Variants in CLYBL observed in about 807,000 individuals in gnomAD.
CLYBL encodes citramalyl-CoA lyase, mitochondrial.
A neutral mutation model predicts 38.9 loss-of-function variants in CLYBL; 31 were observed. The observed-to-expected ratio is 0.80, with a 90% CI of 0.60 to 1.08. The LOEUF (loss-of-function observed/expected upper bound fraction) is 1.08, where lower values mean the gene tolerates loss of function less well. Ranked by LOEUF, CLYBL falls within the 50% of genes least tolerant of loss-of-function variation. The pLI is 0.00. For missense variants in CLYBL, 434 were observed against 411.6 expected (o/e 1.05, Z -0.47); for synonymous variants, 171 against 158.6 (o/e 1.08, Z -0.59).
chr13:99,844,549 C>T (rs1467912638), intron 2 of CLYBL, among the ~76,000 whole-genome samples: 1 of 152,232 alleles, frequency 6.6e-6, no homozygotes, highest in Non-Finnish European at 1.5e-5. Context: ...TAAGATCCCC[C>T]TGGCAGTGGT....
intron 2 of CLYBL, among the ~76,000 whole-genome samples, chr13:99,847,138 C>T (rs1230663448): frequency 6.6e-6 from 1 of 152,054 alleles, no homozygotes; most frequent in African/African-American, 2.4e-5. Context: ...ACAGGTGACA[C>T]GTCTGTTATC....
rs551630660 is a variant in CLYBL at position 99,672,810 on chromosome 13, A to AT, written c.62+66058dup. The stretch of plus-strand genomic sequence containing the variant: ...AACAGCAACAATAACATTTTACCTC[A>AT]TTTTTCTCCACTGTTCATTTTGTTT... On this transcript the variant is annotated intron_variant, in intron 1 of 8. Coordinates refer to ENST00000339105, the MANE Select transcript of CLYBL (RefSeq NM_206808.5). Among the ~76,000 whole-genome samples the AT allele has an allele frequency of 1.2e-3, 182 of 152,096 alleles. 2 individuals carry two copies. The highest frequency in any genetic ancestry group is 4.1e-3 in the African/African-American group (171 of 41,496).
intron 8 of CLYBL, 91 bp from the exon 9 acceptor site, chr13:99,892,351 GT>G (rs965447986): frequency 1.8e-4 from 27 of 152,628 alleles, no homozygotes; most frequent in African/African-American, 6.5e-4. Context: ...TAGTAAAGCT[GT>G]TTTGAAGAGG....
At chr13:99,659,698 C>A (rs2047381734) in intron 1 of CLYBL, among the ~76,000 whole-genome samples, 2 of 152,098 alleles carry the variant, frequency 1.3e-5, no homozygotes, top group Non-Finnish European at 2.9e-5. Context: ...TTGAAACTTA[C>A]ATATTGGCAT....
chr13:99,788,480 C>G (rs1430927609), intron 2 of CLYBL, among the ~76,000 whole-genome samples: 1 of 152,158 alleles, frequency 6.6e-6, no homozygotes, highest in African/African-American at 2.4e-5. Context: ...GTCTTTGGTT[C>G]TGTTTATATG....
At chr13:99,844,415 A>G (rs1050061664) in intron 2 of CLYBL, among the ~76,000 whole-genome samples, 1 of 152,226 alleles carries the variant, frequency 6.6e-6, no homozygotes, top group African/African-American at 2.4e-5. Context: ...ATATATTGAC[A>G]TCATCGTTAT....
intron 7 of CLYBL, among the ~76,000 whole-genome samples, chr13:99,879,618 G>A (rs1014743353): frequency 5.3e-5 from 8 of 152,208 alleles, no homozygotes; most frequent in Non-Finnish European, 1.0e-4. Context: ...GTTTCTTAAG[G>A]AGACAACTAA....
intron 1 of CLYBL, among the ~76,000 whole-genome samples, chr13:99,720,939 A>G (rs2048382799): frequency 6.6e-6 from 1 of 151,702 alleles, no homozygotes; most frequent in South Asian, 2.1e-4. Context: ...CATTTGTTGT[A>G]AGGTCTCATG....
At chr13:99,652,214 T>C (rs1416848169) in intron 1 of CLYBL, among the ~76,000 whole-genome samples, 1 of 152,192 alleles carries the variant, frequency 6.6e-6, no homozygotes, top group Non-Finnish European at 1.5e-5. Context: ...GCTGGGCTCC[T>C]TGATGATAAT....
intron 1 of CLYBL, among the ~76,000 whole-genome samples, chr13:99,672,794 A>G (rs1195142354): frequency 6.6e-6 from 1 of 152,000 alleles, no homozygotes; most frequent in African/African-American, 2.4e-5. Flanking sequence ...AAACAGCAAC[A>G]ATAACATTTT....
At chr13:99,767,518 T>A (rs1351601457) in intron 1 of CLYBL, among the ~76,000 whole-genome samples, 3 of 152,240 alleles carry the variant, frequency 2.0e-5, no homozygotes, top group African/African-American at 7.2e-5. Context: ...TTTTCAGCCA[T>A]TATCTTTTCA....
chr13:99,720,075 A>T (rs951518363), intron 1 of CLYBL, among the ~76,000 whole-genome samples: 3 of 150,806 alleles, frequency 2.0e-5, no homozygotes, highest in African/African-American at 7.3e-5. Context: ...CCTGCTTTTC[A>T]TTGTACTTAG....
intron 1 of CLYBL, among the ~76,000 whole-genome samples, chr13:99,756,903 T>G (rs1210793216): frequency 6.6e-6 from 1 of 152,202 alleles, no homozygotes; most frequent in Admixed American, 6.5e-5. Context: ...AATGTTATTT[T>G]ATTATTTTTT....
At chr13:99,711,500 G>A (rs747458960) in intron 1 of CLYBL, among the ~76,000 whole-genome samples, 14 of 143,502 alleles carry the variant, frequency 9.8e-5, no homozygotes, top group African/African-American at 1.8e-4. Context: ...TCCACTTCCC[G>A]GGTTCAAGCG....
intron 2 of CLYBL, among the ~76,000 whole-genome samples, chr13:99,825,382 G>A (rs1267650219): frequency 6.6e-6 from 1 of 152,192 alleles, no homozygotes; most frequent in Non-Finnish European, 1.5e-5. Context: ...GCGTGTGAAT[G>A]CCCTTTATCA....
At chr13:99,773,125 T>C in intron 2 of CLYBL, 115 bp downstream of exon 2, 1 of 844,446 alleles carries the variant, frequency 1.2e-6, no homozygotes, top group South Asian at 1.6e-5. Flanking sequence ...TTTTGCTGAT[T>C]ATTAACAATT....
At chr13:99,861,752 C>T (rs1160497920) in intron 3 of CLYBL, among the ~76,000 whole-genome samples, 1 of 151,902 alleles carries the variant, frequency 6.6e-6, no homozygotes, top group Non-Finnish European at 1.5e-5. Flanking sequence ...GCAAATTGCT[C>T]AAAAGCTTTT....
At chr13:99,624,492 T>G (rs1234274505) in intron 1 of CLYBL, among the ~76,000 whole-genome samples, 1 of 152,260 alleles carries the variant, frequency 6.6e-6, no homozygotes, top group African/African-American at 2.4e-5. Context: ...GAAGTTTCCT[T>G]GGCTTGAATT....
chr13:99,813,993 A>G (rs1594198994), intron 2 of CLYBL, among the ~76,000 whole-genome samples: 1 of 151,928 alleles, frequency 6.6e-6, no homozygotes, highest in South Asian at 2.1e-4. Flanking sequence ...TTCCTACTTC[A>G]TTTTGCACAG....
Sources: gnomAD v4.1 joint callset for allele counts (sites outside exome capture counted in the v4.1 genomes callset) on GRCh38, gnomAD v4.1.1 for gene constraint, MANE v1.5 for transcripts, NCBI Gene and HGNC (gene_info 2026-07-23, HGNC 2026-07-21) for gene names.